PARD3B: variants seen among roughly 807,000 people sequenced by gnomAD.
PARD3B encodes par-3 family cell polarity regulator beta.
In PARD3B, 103 loss-of-function variants were observed where a neutral mutation model predicts 130.2. The ratio of observed to expected loss-of-function variants is 0.79; its 90% CI spans 0.67 to 0.93. PARD3B has a LOEUF of 0.93. Among genes scored for constraint, PARD3B ranks in the 40% least tolerant of loss-of-function variants. The pLI is 0.00. For synonymous variants in PARD3B, 583 were observed against 553.2 expected (o/e 1.05, Z -0.76); for missense variants, 1,609 against 1,499.2 (o/e 1.07, Z -1.21).
rs181101451 is a variant in PARD3B, at chr2:205,168,126, C to A, written c.1621-4085C>A. On this transcript the variant is annotated intron_variant, in intron 11 of 22. Coordinates refer to ENST00000406610, the MANE Select transcript of PARD3B (RefSeq NM_001302769.2). ...TTGTCTTTACTCTGTCCTCCTGATT[C>A]TTTTTAATATGTTTTCCTTCCCTTT... Among the ~76,000 whole-genome samples, 3 of 152,266 alleles carry A rather than the reference C, an allele frequency of 2.0e-5. No homozygotes were observed. In the East Asian group the frequency reaches 5.8e-4, roughly 29 times the overall value.
rs773246643 is a variant in PARD3B at position 204,610,748 on chromosome 2, C to G, written c.120+64629C>G. Among the ~76,000 whole-genome samples the G allele has an allele frequency of 6.6e-6, 1 of 152,172 alleles. No individual in the cohort carries two copies. Among genetic ancestry groups the G allele is most frequent in the Non-Finnish European group, 1.5e-5 (1 of 68,034 alleles). ...CTAGATAGAAGGAGAAACATCATCT[C>G]CCCACCTCTGAGCACCCTAAGAACA... On this transcript the variant is annotated intron_variant, in intron 1 of 22. Coordinates refer to ENST00000406610, the MANE Select transcript of PARD3B (RefSeq NM_001302769.2). This position sits in a 1 kb window ranked among gnomAD's most constrained non-coding sequence, Gnocchi z 4.1.
intron 2 of PARD3B, among the ~76,000 whole-genome samples, chr2:204,766,815 AAAAAC>A (rs1559128678): frequency 6.6e-6 from 1 of 151,594 alleles, no homozygotes; most frequent in Non-Finnish European, 1.5e-5. Flanking sequence ...ATCAAAAAAA[AAAAAC>A]AAAAGCAAAC....
chr2:204,776,335 T>C (rs1487998486), intron 2 of PARD3B, among the ~76,000 whole-genome samples: 2 of 152,128 alleles, frequency 1.3e-5, no homozygotes, highest in Non-Finnish European at 2.9e-5. Flanking sequence ...AATTAAGATT[T>C]TTAATATGGA....
At chr2:204,811,912 G>A (rs2042975315) in intron 2 of PARD3B, among the ~76,000 whole-genome samples, 1 of 151,882 alleles carries the variant, frequency 6.6e-6, no homozygotes, top group African/African-American at 2.4e-5. Flanking sequence ...CATTTGGCCT[G>A]GCAATGTTTG....
intron 16 of PARD3B, 67 bp downstream of exon 16, chr2:205,245,889 G>A (rs2039551485): frequency 7.5e-7 from 1 of 1,329,576 alleles, no homozygotes; most frequent in African/African-American, 1.4e-5. Flanking sequence ...TTTAGTAGCA[G>A]TTGGAACCTG....
intron 1 of PARD3B, among the ~76,000 whole-genome samples, chr2:204,553,670 A>G (rs1353009344): frequency 1.4e-5 from 1 of 70,326 alleles, no homozygotes; most frequent in Admixed American, 1.9e-4. Context: ...ATATATATAT[A>G]TATATATATA....
intron 22 of PARD3B, among the ~76,000 whole-genome samples, chr2:205,581,251 GATATAT>G (rs1217756081): frequency 3.7e-5 from 5 of 133,386 alleles, no homozygotes; most frequent in Non-Finnish European, 7.7e-5. Context: ...GATATATATA[GATATAT>G]ATAGATATAG....
chr2:205,530,831 C>T lies in PARD3B; in HGVS notation c.3181-22493C>T, dbSNP rs573902050. Among the ~76,000 whole-genome samples, 8 of 152,220 alleles carry T rather than the reference C, an allele frequency of 5.3e-5. No individual in the cohort carries two copies. The highest frequency in any genetic ancestry group is 1.4e-4 in the African/African-American group (6 of 41,538). Reference sequence around the variant, plus strand: ...GAAGATGAAATGGGGAAGAAAGAAACGATGACTCTAGAGGCATGACCCACC... The same window carrying T: ...GAAGATGAAATGGGGAAGAAAGAAATGATGACTCTAGAGGCATGACCCACC... On this transcript the variant is annotated intron_variant, in intron 21 of 22. Transcript: ENST00000406610. The surrounding 1 kb of genome is among the most constrained non-coding windows in gnomAD (Gnocchi z 4.7).
At chr2:205,220,776 C>T (rs1355875363) in intron 15 of PARD3B, among the ~76,000 whole-genome samples, 1 of 152,086 alleles carries the variant, frequency 6.6e-6, no homozygotes, top group Non-Finnish European at 1.5e-5. Flanking sequence ...CAAAGGAGGT[C>T]AGTGAACTTT....
chr2:205,614,553 A>G (rs2105802983), intron 22 of PARD3B, among the ~76,000 whole-genome samples: 1 of 152,144 alleles, frequency 6.6e-6, no homozygotes, highest in Admixed American at 6.5e-5. Flanking sequence ...AAAAAATACA[A>G]AACTTAGTCA....
In PARD3B at chr2:205,591,528, G is replaced by A. The variant is rs2054385853; in HGVS notation, c.3261-23928G>A. Among the ~76,000 whole-genome samples the A allele has an allele frequency of 6.6e-6, 1 of 152,206 alleles. No homozygotes were observed. On this transcript the variant is annotated intron_variant, in intron 22 of 22. Coordinates refer to ENST00000406610, the MANE Select transcript of PARD3B (RefSeq NM_001302769.2). This position sits in a 1 kb window ranked among gnomAD's most constrained non-coding sequence, Gnocchi z 4.2. ...TAACCCTCCTAGCTACTCAGTGGAA[G>A]CAAATAACCATTACTATCCCAATTT...
At chr2:205,503,041 TTCCCTC>T (rs1290566589) in intron 21 of PARD3B, among the ~76,000 whole-genome samples, 2 of 144,448 alleles carry the variant, frequency 1.4e-5, no homozygotes, top group South Asian at 2.4e-4. Context: ...CTCTTCTCTC[TTCCCTC>T]TTCCCTCTTC....
At chr2:205,582,001 A>T (rs1003936768) in intron 22 of PARD3B, among the ~76,000 whole-genome samples, 2 of 152,104 alleles carry the variant, frequency 1.3e-5, no homozygotes, top group African/African-American at 4.8e-5. Flanking sequence ...AAATGACTAG[A>T]TGAGGAGTCA....
At chr2:204,588,957 T>G (rs2032955400) in intron 1 of PARD3B, among the ~76,000 whole-genome samples, 1 of 152,050 alleles carries the variant, frequency 6.6e-6, no homozygotes, top group African/African-American at 2.4e-5. Context: ...TTGGTTTTCT[T>G]TCTTTCTCAA....
rs2050449444 is a variant in PARD3B at position 205,508,199 on chromosome 2, T to C, written c.3180+8168T>C. Reference sequence around the variant, plus strand: ...GTTGCTCTGTTTATATCTTCATGGATTATTGTCTTGTGACAAGCACATAGT... The same window carrying C: ...GTTGCTCTGTTTATATCTTCATGGACTATTGTCTTGTGACAAGCACATAGT... On this transcript the variant is annotated intron_variant, in intron 21 of 22. Transcript: ENST00000406610. Among the ~76,000 whole-genome samples the C allele has an allele frequency of 2.6e-5, 4 of 152,218 alleles. No individual in the cohort carries two copies. The South Asian group carries it at 8.3e-4, about 32-fold the overall frequency.
intron 22 of PARD3B, among the ~76,000 whole-genome samples, chr2:205,570,941 C>A (rs890095509): frequency 3.3e-5 from 5 of 152,054 alleles, no homozygotes; most frequent in African/African-American, 7.2e-5. Flanking sequence ...ACAGGAAATC[C>A]AAAGGAAGTA....
At chr2:204,794,677 G>A (rs2042310325) in intron 2 of PARD3B, among the ~76,000 whole-genome samples, 1 of 152,142 alleles carries the variant, frequency 6.6e-6, no homozygotes, top group African/African-American at 2.4e-5. Context: ...TATTACATTT[G>A]TTTTTTAACA....
chr2:205,408,670 C>T (rs893534433), intron 19 of PARD3B, among the ~76,000 whole-genome samples: 1 of 152,022 alleles, frequency 6.6e-6, no homozygotes, highest in African/African-American at 2.4e-5. Flanking sequence ...CTTTAATTTG[C>T]CAAGCAATTC....
Position 205,550,663 on chromosome 2 carries a change from A to G in PARD3B, c.3181-2661A>G, listed in dbSNP as rs991782597. Among the ~76,000 whole-genome samples, 11 of 151,988 alleles carry G rather than the reference A, an allele frequency of 7.2e-5. No individual in the cohort carries two copies. The highest frequency in any genetic ancestry group is 2.2e-4 in the African/African-American group (9 of 41,390). ...CAGTTTGAATGCTGTTTTCCCAACA[A>G]GACAGAAAATCCCTTAAGAATAAGG... On this transcript the variant is annotated intron_variant, in intron 21 of 22. Transcript: ENST00000406610. The surrounding 1 kb of genome is among the most constrained non-coding windows in gnomAD (Gnocchi z 4.5).
Sources: gnomAD v4.1 joint callset for allele counts (sites outside exome capture counted in the v4.1 genomes callset) on GRCh38, gnomAD v4.1.1 for gene constraint, Gnocchi (gnomAD v3.1) non-coding constraint, MANE v1.5 for transcripts, NCBI Gene and HGNC (gene_info 2026-07-23, HGNC 2026-07-21) for gene names.